The following GREM2 variants were observed in gnomAD, a reference collection of about 807,000 sequenced individuals.
GREM2 encodes the protein gremlin 2, DAN family BMP antagonist.
A neutral mutation model predicts 14.2 loss-of-function variants in GREM2; 11 were observed. The ratio of observed to expected loss-of-function variants is 0.78; its 90% confidence interval spans 0.49 to 1.28. GREM2 has a LOEUF of 1.28. GREM2 is among the 50% of genes most tolerant of loss of function. GREM2 has a pLI of 0.00. For synonymous variants in GREM2, 98 were observed against 97.6 expected (o/e 1.00, Z -0.02); for missense variants, 210 against 218.5 (o/e 0.96, Z 0.24).
intron 1 of GREM2, among the ~76,000 whole-genome samples, chr1:240,538,102 C>G (rs1001417491): frequency 3.3e-5 from 5 of 152,128 alleles, no homozygotes; most frequent in African/African-American, 9.7e-5. Context: ...AGGAACAAGT[C>G]AAAGTAGGAT....
intron 1 of GREM2, among the ~76,000 whole-genome samples, chr1:240,529,489 C>T (rs905631707): frequency 6.6e-6 from 1 of 151,922 alleles, no homozygotes; most frequent in African/African-American, 2.4e-5. Context: ...GAAGAATAAC[C>T]TATGTGGGCA....
In GREM2 at chr1:240,563,040, ATG is replaced by A. The variant is rs1245322605; in HGVS notation, c.-2+48842_-2+48843del. On this transcript the variant is annotated intron_variant, in intron 1 of 1. Coordinates refer to ENST00000318160, the MANE Select transcript of GREM2 (RefSeq NM_022469.4). ...TGTGTATGTGTGTATATGAGTGTGT[ATG>A]TGTGTATGTGTATAGTGAGTGTGTA... Among the ~76,000 whole-genome samples the A allele has an allele frequency of 4.5e-5, 6 of 133,992 alleles. No individual in the cohort carries two copies. The East Asian group carries it at 1.3e-3, about 30-fold the overall frequency. The allele number at this position is 133,992 out of a possible 152,430, so 87.9% of individuals were successfully genotyped here.
rs1353088106 is a variant in GREM2, at chr1:240,542,315, C to T, written c.-1-48839G>A. On this transcript the variant is annotated intron_variant, in intron 1 of 1. Coordinates refer to ENST00000318160, the MANE Select transcript of GREM2 (RefSeq NM_022469.4). This position sits in a 1 kb window ranked among gnomAD's most constrained non-coding sequence, Gnocchi z 4.1. ...ATTCAGCATTTTAATTTCTAAGGAG[C>T]TGAGCCGGGCACGGTGGCTCACGGC... is the stretch of plus-strand genomic sequence containing the variant. 6.6e-6 allele frequency among the ~76,000 whole-genome samples: 1 copy of T among 151,892 alleles called. No homozygotes were observed. Among genetic ancestry groups the T allele is most frequent in the Admixed American group, 6.6e-5 (1 of 15,226 alleles).
intron 1 of GREM2, among the ~76,000 whole-genome samples, chr1:240,519,484 AG>A (rs2103300796): frequency 6.6e-6 from 1 of 152,306 alleles, no homozygotes; most frequent in Admixed American, 6.5e-5. Flanking sequence ...TAAACCAATC[AG>A]TAATACTAAG....
At chr1:240,568,290 T>G (rs1679202406) in intron 1 of GREM2, among the ~76,000 whole-genome samples, 2 of 152,106 alleles carry the variant, frequency 1.3e-5, no homozygotes, top group African/African-American at 4.8e-5. Flanking sequence ...GTTTAAAATA[T>G]GCACTATAAA....
chr1:240,569,437 T>C (rs1330770532), intron 1 of GREM2, among the ~76,000 whole-genome samples: 1 of 152,238 alleles, frequency 6.6e-6, no homozygotes, highest in East Asian at 1.9e-4. Context: ...CACTGCCTGA[T>C]TTCAAAACTT....
chr1:240,538,541 A>G (rs1164553532), intron 1 of GREM2, among the ~76,000 whole-genome samples: 3 of 151,716 alleles, frequency 2.0e-5, no homozygotes, highest in African/African-American at 4.8e-5. Flanking sequence ...TGTCTCTCCA[A>G]AAAAAAATAA....
rs141146732 is a variant in GREM2, at chr1:240,596,145, T to G, written c.-2+15739A>C. ...GCATTATTTTTGTTGTCATTATTAT[T>G]ATTGCATCATGAACATTCTTGAATT... On this transcript the variant is annotated intron_variant, in intron 1 of 1. Transcript: ENST00000318160. 5.7e-3 allele frequency among the ~76,000 whole-genome samples: 864 copies of G among 152,328 alleles called. 10 individuals are homozygous for G. Among genetic ancestry groups the G allele is most frequent in the African/African-American group, 0.02 (838 of 41,566 alleles).
At chr1:240,514,442 G>A (rs1677905381) in intron 1 of GREM2, among the ~76,000 whole-genome samples, 1 of 151,208 alleles carries the variant, frequency 6.6e-6, no homozygotes, top group Non-Finnish European at 1.5e-5. Context: ...AAAAACTCAG[G>A]TTTTCTAAAG....
At chr1:240,570,016 G>C (rs915268616) in intron 1 of GREM2, among the ~76,000 whole-genome samples, 1 of 152,096 alleles carries the variant, frequency 6.6e-6, no homozygotes, top group Non-Finnish European at 1.5e-5. Context: ...TGTCCAATCT[G>C]CTATGTTTTT....
chr1:240,595,811 A>G (rs1679810114), intron 1 of GREM2, among the ~76,000 whole-genome samples: 1 of 152,176 alleles, frequency 6.6e-6, no homozygotes, highest in South Asian at 2.1e-4. Context: ...CTGTGTTTAT[A>G]AAACACCTAA....
intron 1 of GREM2, among the ~76,000 whole-genome samples, chr1:240,566,979 C>T (rs532922087): frequency 4.8e-4 from 73 of 151,998 alleles, no homozygotes; most frequent in Non-Finnish European, 5.6e-4. Flanking sequence ...TAATGATATT[C>T]CATATATTCA....
chr1:240,585,948 A>T (rs1679591558), intron 1 of GREM2, among the ~76,000 whole-genome samples: 1 of 151,688 alleles, frequency 6.6e-6, no homozygotes, highest in East Asian at 1.9e-4. Flanking sequence ...GTTCTTTCTC[A>T]GAACAATTTT....
At chr1:240,547,995 C>T (rs1488463202) in intron 1 of GREM2, among the ~76,000 whole-genome samples, 1 of 151,906 alleles carries the variant, frequency 6.6e-6, no homozygotes. Context: ...GGCATGGTGG[C>T]TCACACCTGT....
intron 1 of GREM2, among the ~76,000 whole-genome samples, chr1:240,555,218 T>A (rs1558161060): frequency 6.6e-6 from 1 of 152,174 alleles, no homozygotes; most frequent in South Asian, 2.1e-4. Flanking sequence ...TATTTTGTAA[T>A]ATTGAAGAAT....
chr1:240,583,264 G>C (rs1255477279), intron 1 of GREM2, among the ~76,000 whole-genome samples: 2 of 152,014 alleles, frequency 1.3e-5, no homozygotes. Context: ...GAAAAAAAAG[G>C]GCAAAAAAAT....
At chr1:240,534,327 G>T (rs1223332107) in intron 1 of GREM2, among the ~76,000 whole-genome samples, 1 of 152,172 alleles carries the variant, frequency 6.6e-6, no homozygotes, top group East Asian at 1.9e-4. Context: ...CAATAGATTG[G>T]ATTTTATGTC....
intron 1 of GREM2, among the ~76,000 whole-genome samples, chr1:240,551,165 GC>G (rs1678841909): frequency 6.6e-6 from 1 of 152,102 alleles, no homozygotes; most frequent in African/African-American, 2.4e-5. Context: ...TACTGAAATA[GC>G]CTCTGCACTT....
chr1:240,566,729 C>A (rs1336978700), intron 1 of GREM2, among the ~76,000 whole-genome samples: 1 of 152,160 alleles, frequency 6.6e-6, no homozygotes, highest in African/African-American at 2.4e-5. Flanking sequence ...CAGAACAAAA[C>A]TCAAGAATAT....
Sources: allele counts gnomAD v4.1 joint callset (sites outside exome capture counted in the v4.1 genomes callset), GRCh38; gene constraint gnomAD v4.1.1; non-coding constraint Gnocchi (gnomAD v3.1); transcripts MANE v1.5; gene names NCBI Gene and HGNC (gene_info 2026-07-23, HGNC 2026-07-21).